Variants in MAD2L2 observed in about 807,000 individuals in gnomAD.
The protein encoded by MAD2L2 is mitotic spindle assembly checkpoint protein MAD2B.
In MAD2L2, 17 loss-of-function variants were observed where a neutral mutation model predicts 30.5. That is an observed-to-expected ratio of 0.56 (90% CI 0.38 to 0.84). The LOEUF (loss-of-function observed/expected upper bound fraction) is 0.84. Among genes scored for constraint, MAD2L2 ranks in the 40% least tolerant of loss-of-function variants. MAD2L2 has a pLI of 0.00. For missense variants in MAD2L2, 213 were observed against 277.4 expected (o/e 0.77, Z 1.65); for synonymous variants, 101 against 113.9 (o/e 0.89, Z 0.72).
intron 4 of MAD2L2, 70 bp from the exon 5 acceptor site, chr1:11,677,018 C>G: frequency 1.7e-6 from 2 of 1,207,112 alleles, no homozygotes; most frequent in South Asian, 1.2e-5. Flanking sequence ...GCCTCCACCC[C>G]CTTGCCCAAG....
chr1:11,680,436 C>T lies in MAD2L2; in HGVS notation c.76G>A (p.Ala26Thr), dbSNP rs1193781165. 6.2e-7 allele frequency: 1 copy of T among 1,613,824 alleles called. No homozygotes were observed. Among genetic ancestry groups the T allele is most frequent in the African/African-American group, 1.3e-5 (1 of 74,924 alleles). Residue 26 changes from alanine (A) to threonine (T), a missense_variant, in exon 3 of 9, where the codon GCT becomes ACT. By Grantham distance (58) the Ala-to-Thr change is moderately conservative (BLOSUM62 0). Coordinates refer to ENST00000376692, the MANE Select transcript of MAD2L2 (RefSeq NM_006341.4). The part of the protein sequence containing the change: ...ADVLCEFLEV[A>T]VHLILYVREV... ...CGCACGTAGAGGATGAGATGCACAG[C>T]CACCTCCAGGAACTCGCAGAGCACA...
In MAD2L2 at chr1:11,680,254, C is replaced by T; in HGVS notation, c.159+99G>A. ...CAGGTGATCCGCCCGCCTCGGCCTCCCAAAGTGCTAGGATTACAGGCGTGA... is the reference window on the plus strand; with the variant it reads ...CAGGTGATCCGCCCGCCTCGGCCTCTCAAAGTGCTAGGATTACAGGCGTGA... On this transcript the variant is annotated intron_variant, in intron 3 of 8. Coordinates refer to ENST00000376692, the MANE Select transcript of MAD2L2 (RefSeq NM_006341.4). 5.9e-6 allele frequency: 6 copies of T among 1,019,590 alleles called. No homozygotes were observed. In the South Asian group the frequency reaches 9.1e-5, roughly 16 times the overall value. The allele number at this position is 1,019,590 out of a possible 1,614,324, so 63.2% of individuals were successfully genotyped here.
At chr1:11,680,532 C>T (rs373900313) in intron 2 of MAD2L2, 30 bp downstream of exon 2, 2 of 1,608,670 alleles carry the variant, frequency 1.2e-6, no homozygotes, top group Non-Finnish European at 1.7e-6. Flanking sequence ...GACGCCCCCG[C>T]CCCCGGGCCC....
chr1:11,686,723 C>T (rs935155294), intron 1 of MAD2L2, among the ~76,000 whole-genome samples: 2 of 146,206 alleles, frequency 1.4e-5, no homozygotes. Flanking sequence ...AAATGCCTTA[C>T]ACAACATCAG....
chr1:11,677,328 C>G, intron 4 of MAD2L2: 1 of 607,086 alleles, frequency 1.6e-6, no homozygotes, highest in Non-Finnish European at 2.9e-6. Context: ...ACCCGGGCTC[C>G]CAGGCCCAAG....
At chr1:11,678,806 G>A (rs1042369332) in intron 3 of MAD2L2, among the ~76,000 whole-genome samples, 4 of 152,162 alleles carry the variant, frequency 2.6e-5, no homozygotes, top group Non-Finnish European at 4.4e-5. Context: ...GAACATCATA[G>A]CTTAGCCAGG....
chr1:11,686,043 A>G (rs1332770756), upstream of MAD2L2, among the ~76,000 whole-genome samples: 1 of 152,202 alleles, frequency 6.6e-6, no homozygotes, highest in African/African-American at 2.4e-5. Flanking sequence ...GTCTATATAC[A>G]CTATTTAAGC....
At chr1:11,675,540 C>T in intron 7 of MAD2L2, 118 bp downstream of exon 7, 1 of 998,560 alleles carries the variant, frequency 1.0e-6, no homozygotes, top group Non-Finnish European at 1.6e-6. Flanking sequence ...TGCTGGGTGC[C>T]AGGCGCTGCC....
rs532558803 is a variant in MAD2L2 at position 11,688,949 on chromosome 1, G to A, written c.-692+2464C>T. ...CTGCTCCACTCCCACCAGTGCCATGGCAGTTTACAAATGCCATGGCAACAT... is the reference window on the plus strand; with the variant it reads ...CTGCTCCACTCCCACCAGTGCCATGACAGTTTACAAATGCCATGGCAACAT... On this transcript the variant is annotated intron_variant, in intron 1 of 10. Transcript: ENST00000235310. This position sits in a 1 kb window ranked among gnomAD's most constrained non-coding sequence, Gnocchi z 4.6. Among the ~76,000 whole-genome samples the A allele has an allele frequency of 2.6e-5, 4 of 152,270 alleles. No homozygotes were observed. In the East Asian group the frequency reaches 7.7e-4, roughly 29 times the overall value.
At chr1:11,685,737 A>G (rs1343132633), upstream of MAD2L2, among the ~76,000 whole-genome samples, 1 of 152,152 alleles carries the variant, frequency 6.6e-6, no homozygotes, top group Admixed American at 6.5e-5. Flanking sequence ...TGGACGGACC[A>G]CTTGAGCTCA....
chr1:11,677,988 C>T (rs917429580), intron 3 of MAD2L2, among the ~76,000 whole-genome samples: 2 of 142,606 alleles, frequency 1.4e-5, no homozygotes, highest in Non-Finnish European at 3.0e-5. Context: ...ACCCGGGAGG[C>T]GGAGGTTGCA....
intron 4 of MAD2L2, chr1:11,677,277 C>T (rs1230698123): frequency 3.4e-6 from 2 of 596,142 alleles, no homozygotes; most frequent in Admixed American, 3.0e-5. Context: ...TGAGAAGAAC[C>T]CCGAACCCTC....
intron 1 of MAD2L2, 78 bp from the exon 2 acceptor site, chr1:11,680,691 C>G: frequency 6.7e-7 from 1 of 1,495,196 alleles, no homozygotes; most frequent in Non-Finnish European, 8.9e-7. Context: ...CCGTCTCTTC[C>G]CTCCCCACAG....
intron 7 of MAD2L2, among the ~76,000 whole-genome samples, chr1:11,675,377 G>A (rs982097336): frequency 2.0e-5 from 3 of 152,106 alleles, no homozygotes; most frequent in African/African-American, 4.8e-5. Context: ...CAGGCTCCAG[G>A]CACCAACGCT....
chr1:11,675,223 T>C, intron 7 of MAD2L2, 49 bp from the exon 8 acceptor site: 1 of 1,320,302 alleles, frequency 7.6e-7, no homozygotes, highest in Non-Finnish European at 1.0e-6. Context: ...GGCCCTGGCC[T>C]GCCCTCACTT....
At chr1:11,686,037 A>C (rs1640950276), upstream of MAD2L2, among the ~76,000 whole-genome samples, 1 of 152,182 alleles carries the variant, frequency 6.6e-6, no homozygotes, top group South Asian at 2.1e-4. Flanking sequence ...ATTAAGGTCT[A>C]TATACACTAT....
At chr1:11,685,724 A>G (rs1214368451), upstream of MAD2L2, among the ~76,000 whole-genome samples, 1 of 152,216 alleles carries the variant, frequency 6.6e-6, no homozygotes, top group Non-Finnish European at 1.5e-5. Context: ...TGGGAGGCCA[A>G]GGTGGACGGA....
Position 11,690,929 on chromosome 1 carries a change from AGTGT to A in MAD2L2, c.-692+480_-692+483del, listed in dbSNP as rs57223755. Among the ~76,000 whole-genome samples the A allele has an allele frequency of 0.15, 22,572 of 150,592 alleles. 1,839 individuals are homozygous for A. The highest frequency in any genetic ancestry group is 0.21 in the South Asian group (975 of 4,736). On this transcript the variant is annotated intron_variant, in intron 1 of 10. Coordinates refer to the MAD2L2 transcript ENST00000235310. The surrounding 1 kb of genome is among the most constrained non-coding windows in gnomAD (Gnocchi z 4.2). ...CGTGGCGAGAGCCGCGCCGCGTGTG[AGTGT>A]GTGTGTGTGTGTGTTTGTGTGTGTG...
chr1:11,676,128 C>G lies in MAD2L2; in HGVS notation c.345G>C (p.Leu115=). The change falls in exon 6 of 9, where the codon CTG becomes CTC. Residue 115 remains leucine (L), a synonymous_variant. Coordinates refer to ENST00000376692, the MANE Select transcript of MAD2L2 (RefSeq NM_006341.4). The part of the protein sequence containing the change: ...PPLLSISSDS[L]LSHVEQLLRA... ...GGAGCAGCTGCTCCACATGAGACAA[C>G]AGCGAGTCTGAGCTGGGAGTGAGAG... 6.2e-7 allele frequency: 1 copy of G among 1,602,342 alleles called. No individual in the cohort carries two copies. The highest frequency in any genetic ancestry group is 1.1e-5 in the South Asian group (1 of 90,072).
Sources: allele counts gnomAD v4.1 joint callset (sites outside exome capture counted in the v4.1 genomes callset), GRCh38; gene constraint gnomAD v4.1.1; non-coding constraint Gnocchi (gnomAD v3.1); transcripts MANE v1.5; gene names NCBI Gene and HGNC (gene_info 2026-07-23, HGNC 2026-07-21).